Variants in PHGDH observed in about 807,000 individuals in gnomAD.
The protein encoded by PHGDH is D-3-phosphoglycerate dehydrogenase.
PHGDH carries 50 observed loss-of-function variants against 52.6 expected under a neutral mutation model. The observed-to-expected ratio is 0.95, with a 90% CI of 0.76 to 1.20. PHGDH has a LOEUF of 1.20. Among genes scored for constraint, PHGDH ranks in the 50% most tolerant of loss-of-function variants. The pLI, the probability that PHGDH is intolerant of heterozygous loss-of-function variation, is 0.00. For synonymous variants in PHGDH, 271 were observed against 280.5 expected, an observed-to-expected ratio of 0.97 and a Z score of 0.34; for missense variants, 630 against 684.6, an observed-to-expected ratio of 0.92 and a Z score of 0.89.
At chr1:119,731,876 A>G (rs1455135787) in intron 5 of PHGDH, among the ~76,000 whole-genome samples, 1 of 152,164 alleles carries the variant, frequency 6.6e-6, no homozygotes, top group Admixed American at 6.5e-5. Flanking sequence ...TCAGTGTGTT[A>G]CCTGGAATGC....
At chr1:119,718,421 A>G (rs1217468724) in intron 1 of PHGDH, among the ~76,000 whole-genome samples, 2 of 152,232 alleles carry the variant, frequency 1.3e-5, no homozygotes, top group Admixed American at 6.5e-5. Context: ...AGCTATTGTT[A>G]CTAGTAAATC....
rs1557982291 is a variant in PHGDH, at chr1:119,741,981, C to T, written c.1209+84C>T. ...ACATTTCCAGAGCCCGTTCTCTGAG[C>T]GGAGGCCTAGGTCCCAGCCTTGCAT... On this transcript the variant is annotated intron_variant, in intron 10 of 11. Coordinates refer to ENST00000641023, the MANE Select transcript of PHGDH (RefSeq NM_006623.4). 9.8e-6 allele frequency: 12 copies of T among 1,222,192 alleles called. No homozygotes were observed. In the East Asian group the frequency reaches 1.9e-4, roughly 19 times the overall value. The allele number at this position is 1,222,192 out of a possible 1,614,324, so 75.7% of individuals were successfully genotyped here.
chr1:119,740,686 G>C (rs1008190440), intron 9 of PHGDH, among the ~76,000 whole-genome samples, 168 bp downstream of exon 9: 4 of 152,190 alleles, frequency 2.6e-5, no homozygotes, highest in African/African-American at 9.7e-5. Flanking sequence ...GGGTGGTAAA[G>C]GGAGGGGTTA....
intron 5 of PHGDH, among the ~76,000 whole-genome samples, chr1:119,733,602 C>A (rs1259058419): frequency 6.6e-6 from 1 of 152,068 alleles, no homozygotes; most frequent in Non-Finnish European, 1.5e-5. Flanking sequence ...TCCCAAAGTG[C>A]TGGGATTATA....
At chr1:119,740,125 C>T in intron 8 of PHGDH, 1 of 492,642 alleles carries the variant, frequency 2.0e-6, no homozygotes. Context: ...GGGGCTGGGG[C>T]AGACACAGTT....
rs377293412 is a variant in PHGDH, at chr1:119,712,172, G to A, written c.138+12G>A. On this transcript the variant is annotated intron_variant, in intron 1 of 11. Coordinates refer to ENST00000641023, the MANE Select transcript of PHGDH (RefSeq NM_006623.4). ...TAGCGGAGCTGCAGGTAAGGCGAGA[G>A]AGAGAAAATTGAGGTCTCTAGGGCA... 7.4e-6 allele frequency: 12 copies of A among 1,613,284 alleles called. No homozygotes were observed. The highest frequency in any genetic ancestry group is 9.3e-6 in the Non-Finnish European group (11 of 1,179,666).
Position 119,721,195 on chromosome 1 carries a change from C to G in PHGDH, c.164C>G (p.Ser55Cys), listed in dbSNP as rs781294875. ...GACTGTGAAGGCCTTATTGTTCGCTCTGCCACCAAGGTGACCGCTGATGTC... is the reference window on the plus strand; with the variant it reads ...GACTGTGAAGGCCTTATTGTTCGCTGTGCCACCAAGGTGACCGCTGATGTC... ...LQDCEGLIVR[S>C]ATKVTADVIN... Residue 55 changes from serine to cysteine, a missense_variant, in exon 2 of 12, where the codon TCT becomes TGT. Coordinates refer to ENST00000641023, the MANE Select transcript of PHGDH (RefSeq NM_006623.4). 6.2e-7 allele frequency: 1 copy of G among 1,614,200 alleles called. No homozygotes were observed. The highest frequency in any genetic ancestry group is 1.3e-5 in the African/African-American group (1 of 75,046).
chr1:119,730,873 A>G (rs1557974271), intron 5 of PHGDH, among the ~76,000 whole-genome samples: 2 of 152,164 alleles, frequency 1.3e-5, no homozygotes, highest in Admixed American at 6.5e-5. Context: ...ATTCTCATCA[A>G]CAGCCTGAAC....
chr1:119,728,040 C>T (rs587667455), intron 5 of PHGDH, among the ~76,000 whole-genome samples: 1 of 152,260 alleles, frequency 6.6e-6, no homozygotes, highest in Non-Finnish European at 1.5e-5. Flanking sequence ...CATCTTAAAT[C>T]TCCACCCAGG....
chr1:119,742,614 T>C, intron 10 of PHGDH, 193 bp from the exon 11 acceptor site: 1 of 637,944 alleles, frequency 1.6e-6, no homozygotes, highest in South Asian at 1.8e-5. Context: ...AGGAGATCAT[T>C]GGCTGTTCCA....
In PHGDH at chr1:119,743,851, C is replaced by T. The variant is rs776025130; in HGVS notation, c.1448-35C>T. On this transcript the variant is annotated intron_variant, in intron 11 of 11. Coordinates refer to ENST00000641023, the MANE Select transcript of PHGDH (RefSeq NM_006623.4). Reference sequence around the variant, plus strand: ...AATCCCTCGCTCCTTTTTCCCCTATCCCCTGTGCCAACCAGGAGTTTCTTC... The same window carrying T: ...AATCCCTCGCTCCTTTTTCCCCTATTCCCTGTGCCAACCAGGAGTTTCTTC... The T allele has an allele frequency of 6.7e-5, 106 of 1,581,832 alleles. 2 individuals are homozygous for T. In the South Asian group the frequency reaches 8.2e-4, roughly 12 times the overall value.
At chr1:119,743,149 G>C in intron 11 of PHGDH, 105 bp downstream of exon 11, 3 of 808,904 alleles carry the variant, frequency 3.7e-6, no homozygotes, top group Non-Finnish European at 6.7e-6. Context: ...TCATGTCCCA[G>C]GGTGTCTCTG....
chr1:119,724,507 G>GCAGTA, intron 3 of PHGDH: 1 of 346,542 alleles, frequency 2.9e-6, no homozygotes, highest in Non-Finnish European at 5.6e-6. Context: ...AGGAGAAACA[G>GCAGTA]GGATAGCTTA....
intron 5 of PHGDH, chr1:119,729,634 G>A (rs1376139495): frequency 6.6e-6 from 1 of 152,146 alleles, no homozygotes; most frequent in African/African-American, 2.4e-5. Context: ...GAGGTGCTAG[G>A]TAAGCTTGTC....
chr1:119,714,743 C>T (rs1438865960), intron 1 of PHGDH, among the ~76,000 whole-genome samples: 1 of 152,202 alleles, frequency 6.6e-6, no homozygotes, highest in African/African-American at 2.4e-5. Context: ...TTGCACAAGC[C>T]TGTAGTCTCA....
intron 1 of PHGDH, among the ~76,000 whole-genome samples, chr1:119,715,362 A>G (rs1415550100): frequency 2.0e-5 from 3 of 152,190 alleles, no homozygotes. Context: ...TTCCATGCCA[A>G]ATTTCTTTTC....
intron 11 of PHGDH, among the ~76,000 whole-genome samples, chr1:119,743,506 G>A (rs1275519007): frequency 6.6e-6 from 1 of 152,244 alleles, no homozygotes; most frequent in Non-Finnish European, 1.5e-5. Context: ...GCTGGGGCTT[G>A]GGCTGCTAGG....
intron 7 of PHGDH, among the ~76,000 whole-genome samples, chr1:119,736,753 G>A (rs1183708489): frequency 6.6e-6 from 1 of 152,176 alleles, no homozygotes; most frequent in African/African-American, 2.4e-5. Flanking sequence ...ATTGGTCAAG[G>A]GCCTCCCATG....
chr1:119,718,346 A>G (rs586650), intron 1 of PHGDH, among the ~76,000 whole-genome samples: 52,842 of 152,168 alleles, frequency 0.35, 10,203 homozygotes, highest in East Asian at 0.62. Context: ...GGATAATTGT[A>G]ATATCTGTCT....
Sources: allele counts gnomAD v4.1 joint callset (sites outside exome capture counted in the v4.1 genomes callset), GRCh38; gene constraint gnomAD v4.1.1; transcripts MANE v1.5; gene names NCBI Gene and HGNC (gene_info 2026-07-23, HGNC 2026-07-21).